Variants in NFATC1 observed in about 807,000 individuals in gnomAD.
NFATC1 encodes nuclear factor of activated T-cells, cytoplasmic 1.
NFATC1 carries 22 observed loss-of-function variants against 76.0 expected under a neutral mutation model. That is an observed-to-expected ratio of 0.29 (90% CI 0.21 to 0.41). The LOEUF (loss-of-function observed/expected upper bound fraction) is 0.41, where lower values mean the gene tolerates loss of function less well. Ranked by LOEUF, NFATC1 falls within the 10% of genes least tolerant of loss-of-function variation. The pLI, the probability that NFATC1 is intolerant of heterozygous loss-of-function variation, is 1.00. For missense variants in NFATC1, 1,357 were observed against 1,337.7 expected (o/e 1.01, Z -0.23); for synonymous variants, 704 against 613.1 (o/e 1.15, Z -2.19).
chr18:79,460,188 G>T (rs1021635947), intron 6 of NFATC1, among the ~76,000 whole-genome samples: 3 of 152,200 alleles, frequency 2.0e-5, no homozygotes, highest in African/African-American at 7.2e-5. Flanking sequence ...CTCCACCCAG[G>T]CAGCAGCCCG....
chr18:79,449,060 T>C, intron 4 of NFATC1, 76 bp downstream of exon 4: 2 of 1,453,988 alleles, frequency 1.4e-6, no homozygotes, highest in East Asian at 4.8e-5. Context: ...TCCCGGGGGG[T>C]CTGGCCAGCC....
intron 8 of NFATC1, chr18:79,468,912 G>C (rs1339711361): frequency 7.2e-6 from 1 of 139,612 alleles, no homozygotes; most frequent in African/African-American, 3.4e-5. Flanking sequence ...GGATTGTGGG[G>C]AAGAGCCTCA....
At chr18:79,415,837 G>T (rs1162693920) in intron 2 of NFATC1, among the ~76,000 whole-genome samples, 1 of 152,070 alleles carries the variant, frequency 6.6e-6, no homozygotes, top group African/African-American at 2.4e-5. Context: ...CGAGGCAGGT[G>T]GATCAGCTGA....
chr18:79,469,643 AC>A, intron 8 of NFATC1: 1 of 982,500 alleles, frequency 1.0e-6, no homozygotes, highest in Non-Finnish European at 1.2e-6. Context: ...TGCACCCTCC[AC>A]CCCCCATCTG....
intron 8 of NFATC1, chr18:79,469,439 G>A (rs937080439): frequency 1.8e-5 from 18 of 985,436 alleles, no homozygotes; most frequent in Non-Finnish European, 2.2e-5. Flanking sequence ...GGGAGGTGGC[G>A]GCCCCCAGGA....
chr18:79,445,405 C>T (rs796711973), intron 3 of NFATC1, among the ~76,000 whole-genome samples: 15 of 152,310 alleles, frequency 9.8e-5, no homozygotes, highest in African/African-American at 3.6e-4. Flanking sequence ...TGGACGTCCT[C>T]CCATGACAGA....
intron 2 of NFATC1, among the ~76,000 whole-genome samples, chr18:79,415,016 G>A (rs1228423738): frequency 1.3e-5 from 2 of 152,246 alleles, no homozygotes; most frequent in African/African-American, 2.4e-5. Flanking sequence ...TTCCTTCATC[G>A]TTCGGCCTCC....
At chr18:79,486,159 G>A in intron 8 of NFATC1, 89 bp from the exon 9 acceptor site, 1 of 1,254,766 alleles carries the variant, frequency 8.0e-7, no homozygotes, top group East Asian at 2.3e-5. Context: ...GGCCCTGTTG[G>A]TTTTGCGGAG....
At chr18:79,425,875 C>T (rs2086310422) in intron 2 of NFATC1, among the ~76,000 whole-genome samples, 1 of 152,194 alleles carries the variant, frequency 6.6e-6, no homozygotes, top group African/African-American at 2.4e-5. Flanking sequence ...AAATAACAAA[C>T]ACCGTTCACT....
chr18:79,416,472 G>A (rs997657123), intron 2 of NFATC1, among the ~76,000 whole-genome samples: 1 of 93,520 alleles, frequency 1.1e-5, no homozygotes, highest in Non-Finnish European at 2.0e-5. Context: ...TCTGGAGCCA[G>A]ACTGTCCGCG....
chr18:79,492,601 C>G (rs946027120), intron 9 of NFATC1, among the ~76,000 whole-genome samples: 4 of 151,650 alleles, frequency 2.6e-5, no homozygotes, highest in Non-Finnish European at 5.9e-5. Flanking sequence ...CCCAGCCACT[C>G]GGGAGGCTGA....
At chr18:79,515,182 T>A (rs1415780720) in intron 9 of NFATC1, among the ~76,000 whole-genome samples, 2 of 151,638 alleles carry the variant, frequency 1.3e-5, no homozygotes, top group African/African-American at 4.8e-5. Flanking sequence ...CCATCTCTAC[T>A]AAAAATACAA....
At chr18:79,437,191 G>A (rs969697026) in intron 3 of NFATC1, among the ~76,000 whole-genome samples, 2 of 152,338 alleles carry the variant, frequency 1.3e-5, no homozygotes, top group East Asian at 1.9e-4. Context: ...TGGGGCCTGC[G>A]GGTAAGGACA....
chr18:79,528,028 T>C lies in NFATC1; in HGVS notation c.*451T>C, dbSNP rs1236501721. The C allele has an allele frequency of 1.7e-5, 7 of 411,626 alleles. No individual in the cohort carries two copies. Among genetic ancestry groups the C allele is most frequent in the African/African-American group, 8.1e-5 (4 of 49,258 alleles). The allele number at this position is 411,626 out of a possible 1,614,324, so 25.5% of individuals were successfully genotyped here. On this transcript the variant is annotated 3_prime_UTR_variant, in exon 10 of 10. Coordinates refer to ENST00000427363, the MANE Select transcript of NFATC1 (RefSeq NM_001278669.2). ...GAGCAGAAACTGCAAACACATTTCATTGTGAGGTTTTACCCTCTGTATGAA... is the reference window on the plus strand; with the variant it reads ...GAGCAGAAACTGCAAACACATTTCACTGTGAGGTTTTACCCTCTGTATGAA...
chr18:79,474,694 C>T (rs1365676158), intron 8 of NFATC1, among the ~76,000 whole-genome samples: 14 of 146,552 alleles, frequency 9.6e-5, no homozygotes, highest in East Asian at 4.3e-4. Flanking sequence ...CACTCACTGT[C>T]GACGTTGTGA....
chr18:79,451,178 G>T (rs893182957), intron 5 of NFATC1, 52 bp downstream of exon 5: 4 of 1,558,486 alleles, frequency 2.6e-6, no homozygotes, highest in Non-Finnish European at 3.5e-6. Context: ...CGTCACATGC[G>T]CTTCACTGTC....
intron 6 of NFATC1, among the ~76,000 whole-genome samples, chr18:79,458,617 C>T (rs113841787): frequency 7.9e-5 from 12 of 152,360 alleles, no homozygotes; most frequent in African/African-American, 2.9e-4. Context: ...AATATTTTTA[C>T]TCCTGCACTC....
At chr18:79,478,239 G>A (rs1443887041) in intron 8 of NFATC1, among the ~76,000 whole-genome samples, 2 of 150,876 alleles carry the variant, frequency 1.3e-5, no homozygotes, top group Non-Finnish European at 1.5e-5. Context: ...GCCTGCCACC[G>A]TGTTGCTCAT....
intron 1 of NFATC1, among the ~76,000 whole-genome samples, chr18:79,403,408 G>T (rs1462196775): frequency 6.6e-6 from 1 of 152,258 alleles, no homozygotes; most frequent in Non-Finnish European, 1.5e-5. Context: ...TTCTGGCTGT[G>T]TCCACCCAGG....
Sources: gnomAD v4.1 joint callset for allele counts (sites outside exome capture counted in the v4.1 genomes callset) on GRCh38, gnomAD v4.1.1 for gene constraint, MANE v1.5 for transcripts, NCBI Gene and HGNC (gene_info 2026-07-23, HGNC 2026-07-21) for gene names.